POU6F1: variants seen among roughly 807,000 people sequenced by gnomAD.
POU6F1 encodes the protein POU class 6 homeobox 1.
In POU6F1, 9 loss-of-function variants were observed where a neutral mutation model predicts 28.9. The observed-to-expected ratio is 0.31, with a 90% CI of 0.19 to 0.54. The LOEUF (loss-of-function observed/expected upper bound fraction) is 0.54, where lower values mean the gene tolerates loss of function less well. Among genes scored for constraint, POU6F1 ranks in the 20% least tolerant of loss-of-function variants. The pLI, the probability that POU6F1 is intolerant of heterozygous loss-of-function variation, is 0.94. For synonymous variants in POU6F1, 173 were observed against 171.1 expected (o/e 1.01, Z -0.09); for missense variants, 338 against 426.1 (o/e 0.79, Z 1.82).
rs1169844022 is a variant in POU6F1 at position 51,189,469 on chromosome 12, T to C, written c.*778A>G. ...AATATGAAAGAACAGCCTTATTTTC[T>C]AAATTCCCAACCTTCTGCAGACCCA... On this transcript the variant is annotated 3_prime_UTR_variant, in exon 11 of 11. Transcript: ENST00000333640. 6.6e-6 allele frequency: 1 copy of C among 152,228 alleles called. No individual in the cohort carries two copies. The highest frequency in any genetic ancestry group is 1.5e-5 in the Non-Finnish European group (1 of 68,050). 9.4% of individuals were successfully genotyped at this position (152,228 alleles called of 1,614,324 possible). A position where few individuals can be genotyped will look rare whatever the true frequency, so the allele number is the denominator to read the frequency against.
intron 1 of POU6F1, among the ~76,000 whole-genome samples, chr12:51,215,595 T>C (rs1944247454): frequency 6.8e-6 from 1 of 147,466 alleles, no homozygotes; most frequent in South Asian, 2.2e-4. Flanking sequence ...TTCCAAGGTG[T>C]AGTATTGGGT....
chr12:51,191,654 C>T lies in POU6F1; in HGVS notation c.1432G>A (p.Val478Met). 6.2e-7 allele frequency: 1 copy of T among 1,614,166 alleles called. No individual in the cohort carries two copies. The highest frequency in any genetic ancestry group is 8.5e-7 in the Non-Finnish European group (1 of 1,180,042). ...RLSLGLTQTQ[V>M]GQALTATEGP... is the part of the protein sequence containing the mutation. The stretch of plus-strand genomic sequence containing the variant: ...TCCGTTGCAGTCAGAGCCTGACCCA[C>T]CTGGGTCTGTGTAAGGCCCAGCGAG... Residue 478 changes from valine to methionine, a missense_variant, in exon 10 of 11, where the codon GTG becomes ATG. Physicochemically the swap from Val to Met is conservative, Grantham distance 21 (BLOSUM62 1). Coordinates refer to ENST00000333640, the MANE Select transcript of POU6F1 (RefSeq NM_001330422.2).
At chr12:51,198,261 T>C (rs528681902) in intron 5 of POU6F1, 2 of 395,838 alleles carry the variant, frequency 5.1e-6, no homozygotes, top group South Asian at 2.9e-4. Context: ...CTTCTTGTAG[T>C]CCTTCCCAGG....
chr12:51,205,084 G>C (rs1436185760), intron 2 of POU6F1, among the ~76,000 whole-genome samples: 1 of 145,708 alleles, frequency 6.9e-6, no homozygotes, highest in Non-Finnish European at 1.5e-5. Flanking sequence ...TGTCACCCAG[G>C]CTGGAATGCA....
rs1942155791 is a variant in POU6F1, at chr12:51,188,233, T to C, written c.*2014A>G. ...ATAAGCCAATGTGCCTGGCCTAATT[T>C]ACTGAAGTGTCAGTCACTGAATCCT... On this transcript the variant is annotated 3_prime_UTR_variant, in exon 11 of 11. Coordinates refer to ENST00000333640, the MANE Select transcript of POU6F1 (RefSeq NM_001330422.2). 1 of 152,272 alleles carries C rather than the reference T, an allele frequency of 6.6e-6. No homozygotes were observed. The highest frequency in any genetic ancestry group is 6.5e-5 in the Admixed American group (1 of 15,290). 9.4% of individuals were successfully genotyped at this position (152,272 alleles called of 1,614,324 possible). A position where few individuals can be genotyped will look rare whatever the true frequency, so the allele number is the denominator to read the frequency against.
chr12:51,209,072 G>A (rs1428736580), intron 1 of POU6F1, among the ~76,000 whole-genome samples: 2 of 152,194 alleles, frequency 1.3e-5, no homozygotes, highest in Non-Finnish European at 2.9e-5. Context: ...ATAAATTTCT[G>A]TTGTTTAAAA....
In POU6F1 at chr12:51,197,822, G is replaced by A; in HGVS notation, c.794C>T (p.Thr265Ile). Residue 265 changes from threonine to isoleucine, a missense_variant, in exon 6 of 11, where the codon ACC (threonine) becomes ATC (isoleucine). Physicochemically the swap from Thr to Ile is moderately conservative, Grantham distance 89. Transcript: ENST00000333640. ...AAAPTPKPVD[T>I]PPQITVQPAG... ...AGGCTGGACGGTGATCTGTGGGGGGGTGTCCACTGGCTTGGGGGTAGGGGC... is the reference window on the plus strand; with the variant it reads ...AGGCTGGACGGTGATCTGTGGGGGGATGTCCACTGGCTTGGGGGTAGGGGC... The A allele has an allele frequency of 2.5e-6, 1 of 399,736 alleles. No homozygotes were observed. Among genetic ancestry groups the A allele is most frequent in the Non-Finnish European group, 4.4e-6 (1 of 226,674 alleles). 24.8% of individuals were successfully genotyped at this position (399,736 alleles called of 1,614,324 possible).
intron 1 of POU6F1, among the ~76,000 whole-genome samples, chr12:51,214,400 T>C (rs931125425): frequency 2.0e-5 from 3 of 151,894 alleles, no homozygotes; most frequent in Admixed American, 2.0e-4. Context: ...CCGGACCCCA[T>C]CCTCCTGACA....
chr12:51,213,216 C>A (rs1944118943), intron 1 of POU6F1, among the ~76,000 whole-genome samples: 1 of 152,164 alleles, frequency 6.6e-6, no homozygotes, highest in African/African-American at 2.4e-5. Context: ...GGATTACAGG[C>A]GTGAGCCACC....
chr12:51,209,498 T>A (rs1043348676), intron 1 of POU6F1, among the ~76,000 whole-genome samples: 1 of 152,262 alleles, frequency 6.6e-6, no homozygotes, highest in East Asian at 1.9e-4. Flanking sequence ...TATTCTATTG[T>A]ATGGATACAC....
rs1942068250 is a variant in POU6F1 at position 51,187,020 on chromosome 12, C to G, written c.*3227G>C. ...TCCTCTCCCCTTGCTGCCCCTCCAG[C>G]CCTCAGGAAGCTTTGTCTGTGTTGG... is the stretch of plus-strand genomic sequence containing the variant. On this transcript the variant is annotated 3_prime_UTR_variant, in exon 11 of 11. Transcript: ENST00000333640. 1 of 152,278 alleles carries G rather than the reference C, an allele frequency of 6.6e-6. No individual in the cohort carries two copies. The highest frequency in any genetic ancestry group is 1.5e-5 in the Non-Finnish European group (1 of 68,078). 9.4% of individuals were successfully genotyped at this position (152,278 alleles called of 1,614,324 possible). A position where few individuals can be genotyped will look rare whatever the true frequency, so the allele number is the denominator to read the frequency against.
intron 5 of POU6F1, among the ~76,000 whole-genome samples, chr12:51,198,332 G>A (rs935583913): frequency 3.9e-5 from 6 of 152,324 alleles, no homozygotes; most frequent in Admixed American, 6.5e-5. Context: ...ACAGCTGGCC[G>A]AAGTACGGCA....
rs1056157484 is a variant in POU6F1, at chr12:51,188,865, T to G, written c.*1382A>C. The stretch of plus-strand genomic sequence containing the variant: ...AGGGATAATCTACACCGCAAGCCTG[T>G]GGTCATCTAGGCAAATCTCAGTTCT... On this transcript the variant is annotated 3_prime_UTR_variant, in exon 11 of 11. Coordinates refer to ENST00000333640, the MANE Select transcript of POU6F1 (RefSeq NM_001330422.2). 2 of 152,176 alleles carry G rather than the reference T, an allele frequency of 1.3e-5. No homozygotes were observed. The highest frequency in any genetic ancestry group is 2.9e-5 in the Non-Finnish European group (2 of 68,036). The allele number at this position is 152,176 out of a possible 1,614,324, so 9.4% of individuals were successfully genotyped here.
At chr12:51,203,093 T>C (rs1208840317) in intron 3 of POU6F1, among the ~76,000 whole-genome samples, 1 of 151,978 alleles carries the variant, frequency 6.6e-6, no homozygotes, top group African/African-American at 2.4e-5. Flanking sequence ...GAGGAGGCGT[T>C]TGTGAAAGGC....
rs574532657 is a variant in POU6F1, at chr12:51,205,821, T to TC, written c.48+967_48+968insG. On this transcript the variant is annotated intron_variant, in intron 2 of 10. Coordinates refer to ENST00000333640, the MANE Select transcript of POU6F1 (RefSeq NM_001330422.2). The stretch of plus-strand genomic sequence containing the variant: ...AAATTCATCTTTTCTTTTCTTTCTT[T>TC]TTTTTTTTTTTTTTGTAGACAGAGT... 2.8e-4 allele frequency among the ~76,000 whole-genome samples: 41 copies of TC among 146,444 alleles called. No individual in the cohort carries two copies. The South Asian group carries it at 6.7e-3, about 24-fold the overall frequency.
At chr12:51,211,147 G>A (rs1943958664) in intron 1 of POU6F1, among the ~76,000 whole-genome samples, 1 of 152,202 alleles carries the variant, frequency 6.6e-6, no homozygotes, top group Non-Finnish European at 1.5e-5. Context: ...CCTCCTTTAA[G>A]CCCATGATGC....
chr12:51,204,110 G>A (rs1400696721), intron 3 of POU6F1, 63 bp downstream of exon 3: 4 of 398,842 alleles, frequency 1.0e-5, no homozygotes, highest in Non-Finnish European at 1.8e-5. Flanking sequence ...GGCTCCCCAG[G>A]GACCACAGGA....
At chr12:51,197,559 C>A (rs2086318905) in intron 6 of POU6F1, among the ~76,000 whole-genome samples, 2 of 152,186 alleles carry the variant, frequency 1.3e-5, no homozygotes, top group African/African-American at 4.8e-5. Context: ...ATGTGCCCAG[C>A]CCTCTTGGCA....
Position 51,192,355 on chromosome 12 carries a change from G to T in POU6F1, c.1296C>A (p.Thr432=). Residue 432 remains threonine (T), a synonymous_variant, in exon 9 of 11, where the codon ACC becomes ACA. Coordinates refer to ENST00000333640, the MANE Select transcript of POU6F1 (RefSeq NM_001330422.2). ...SAPIPITCSE[T]PTVSQLVSKP... ...TGGACACCAACTGGCTGACGGTGGGGGTCTCTGAGCAGGTAATTGGGATAG... is the reference window on the plus strand; with the variant it reads ...TGGACACCAACTGGCTGACGGTGGGTGTCTCTGAGCAGGTAATTGGGATAG... 6.2e-7 allele frequency: 1 copy of T among 1,614,130 alleles called. No individual in the cohort carries two copies. Among genetic ancestry groups the T allele is most frequent in the Non-Finnish European group, 8.5e-7 (1 of 1,180,020 alleles).
Sources: allele counts gnomAD v4.1 joint callset (sites outside exome capture counted in the v4.1 genomes callset), GRCh38; gene constraint gnomAD v4.1.1; transcripts MANE v1.5; gene names NCBI Gene and HGNC (gene_info 2026-07-23, HGNC 2026-07-21).